Variants in HECW1 observed in about 807,000 individuals in gnomAD.
HECW1 encodes E3 ubiquitin-protein ligase HECW1.
HECW1 carries 61 observed loss-of-function variants against 182.3 expected under a neutral mutation model. The observed-to-expected ratio is 0.33, with a 90% confidence interval of 0.27 to 0.41. The LOEUF (loss-of-function observed/expected upper bound fraction) is 0.41. Ranked by LOEUF, HECW1 falls within the 10% of genes least tolerant of loss-of-function variation. HECW1 has a pLI of 1.00. For missense variants in HECW1, 1,739 were observed against 2,108.9 expected (o/e 0.82, Z 3.44); for synonymous variants, 859 against 832.6 (o/e 1.03, Z -0.55).
intron 29 of HECW1, among the ~76,000 whole-genome samples, chr7:43,555,549 C>T (rs770425110): frequency 1.8e-4 from 28 of 152,316 alleles, no homozygotes; most frequent in Non-Finnish European, 1.3e-4. Context: ...AGGATACGTT[C>T]GAATTATAAA....
chr7:43,143,339 A>T (rs1192430365), intron 2 of HECW1, among the ~76,000 whole-genome samples: 1 of 152,148 alleles, frequency 6.6e-6, no homozygotes, highest in Non-Finnish European at 1.5e-5. Context: ...GCTGAAGTGC[A>T]GGGGCTTGAT....
intron 17 of HECW1, 91 bp from the exon 18 acceptor site, chr7:43,491,984 A>G (rs935284878): frequency 1.1e-6 from 1 of 903,644 alleles, no homozygotes; most frequent in African/African-American, 1.7e-5. Flanking sequence ...TGACTTCAAA[A>G]TCTTTTACCC....
chr7:43,308,219 A>G (rs1362366655), intron 3 of HECW1, among the ~76,000 whole-genome samples: 1 of 82,886 alleles, frequency 1.2e-5, no homozygotes, highest in Non-Finnish European at 2.0e-5. Flanking sequence ...ATATATTATG[A>G]TATATTTTTA....
intron 3 of HECW1, among the ~76,000 whole-genome samples, chr7:43,281,264 A>C (rs1467869578): frequency 6.6e-6 from 1 of 152,050 alleles, no homozygotes; most frequent in Non-Finnish European, 1.5e-5. Context: ...CAGCTCCAAA[A>C]CGGCATCTCC....
At chr7:43,147,245 G>GTT (rs10660691) in intron 2 of HECW1, among the ~76,000 whole-genome samples, 65,971 of 150,882 alleles carry the variant, frequency 0.44, 14,440 homozygotes, top group East Asian at 0.45. Flanking sequence ...ATGTAGTTTT[G>GTT]TTTTTTTTTA....
chr7:43,445,197 G>T lies in HECW1; in HGVS notation c.2025G>T (p.Ala675=), dbSNP rs2077010066. The T allele has an allele frequency of 3.1e-6, 5 of 1,612,856 alleles. No individual in the cohort carries two copies. The highest frequency in any genetic ancestry group is 2.2e-5 in the South Asian group (2 of 91,080). ...ACCACAGTTGCGAGGGCTGTGACGC[G>T]TCCTGCTGCAGCCCCTCGTGCTACA... is the stretch of plus-strand genomic sequence containing the variant. The part of the protein sequence containing the change: ...GGDHSCEGCD[A]SCCSPSCYSS... Residue 675 remains alanine (A), a synonymous_variant, in exon 11 of 30, where the codon GCG becomes GCT. Coordinates refer to ENST00000395891, the MANE Select transcript of HECW1 (RefSeq NM_015052.5).
intron 17 of HECW1, among the ~76,000 whole-genome samples, chr7:43,481,952 G>A (rs1422327022): frequency 1.4e-5 from 2 of 146,852 alleles, no homozygotes; most frequent in African/African-American, 5.1e-5. Flanking sequence ...TCCAGCCTGA[G>A]CGACACAGCG....
intron 11 of HECW1, among the ~76,000 whole-genome samples, chr7:43,446,418 T>C (rs2152880226): frequency 6.6e-6 from 1 of 152,214 alleles, no homozygotes; most frequent in African/African-American, 2.4e-5. Flanking sequence ...GGAAAAAAAA[T>C]TGAAAAGTCA....
chr7:43,165,779 C>T (rs913386449), intron 2 of HECW1, among the ~76,000 whole-genome samples: 6 of 152,102 alleles, frequency 3.9e-5, no homozygotes, highest in African/African-American at 1.4e-4. Flanking sequence ...AGTTGAGATG[C>T]TGTGTCTCCA....
intron 2 of HECW1, among the ~76,000 whole-genome samples, chr7:43,176,194 CTG>C (rs2152671639): frequency 6.6e-6 from 1 of 152,260 alleles, no homozygotes; most frequent in East Asian, 1.9e-4. Flanking sequence ...GAGTCTGTTA[CTG>C]TGTGTAGAGG....
chr7:43,524,348 T>A (rs1208273847), intron 24 of HECW1, among the ~76,000 whole-genome samples: 1 of 152,186 alleles, frequency 6.6e-6, no homozygotes, highest in Non-Finnish European at 1.5e-5. Flanking sequence ...TTAGAAAATA[T>A]GAGAAGACCA....
At chr7:43,551,002 C>T (rs1400925159) in intron 27 of HECW1, among the ~76,000 whole-genome samples, 4 of 152,148 alleles carry the variant, frequency 2.6e-5, no homozygotes, top group African/African-American at 9.7e-5. Context: ...GTTATAGCAT[C>T]ATGTTGTGCC....
chr7:43,431,955 G>C (rs535289866), intron 8 of HECW1, among the ~76,000 whole-genome samples: 23 of 151,264 alleles, frequency 1.5e-4, no homozygotes, highest in Admixed American at 7.9e-4. Flanking sequence ...AGCCTCCCAA[G>C]TAGGTGGGAT....
Position 43,562,924 on chromosome 7 carries a change from ACCATGACTTTTGTTAAAG to A in HECW1, c.*1013_*1030del, listed in dbSNP as rs1000180662. 1.9e-5 allele frequency: 4 copies of A among 214,874 alleles called. No homozygotes were observed. Among genetic ancestry groups the A allele is most frequent in the South Asian group, 1.9e-4 (1 of 5,340 alleles). The allele number at this position is 214,874 out of a possible 1,614,324, so 13.3% of individuals were successfully genotyped here. On this transcript the variant is annotated 3_prime_UTR_variant, in exon 30 of 30. Coordinates refer to ENST00000395891, the MANE Select transcript of HECW1 (RefSeq NM_015052.5). ...AAGGAAAAAAAAATGTGTAGATGAT[ACCATGACTTTTGTTAAAG>A]CCATGACTTTTGTTTGCTTGGCAGA...
chr7:43,113,440 ACGGGCTCGC>A (rs1187746693), intron 1 of HECW1, among the ~76,000 whole-genome samples: 1 of 151,996 alleles, frequency 6.6e-6, no homozygotes, highest in African/African-American at 2.4e-5. Context: ...GAGCCTCCGC[ACGGGCTCGC>A]CGGTGCTCGC....
intron 2 of HECW1, among the ~76,000 whole-genome samples, chr7:43,187,667 C>T (rs4724183): frequency 0.067 from 10,122 of 151,802 alleles, 478 homozygotes; most frequent in East Asian, 0.27. Flanking sequence ...CTATATTAAC[C>T]GTGATAATCT....
At chr7:43,462,073 G>A (rs1035556474) in intron 13 of HECW1, among the ~76,000 whole-genome samples, 1 of 152,206 alleles carries the variant, frequency 6.6e-6, no homozygotes, top group Non-Finnish European at 1.5e-5. Context: ...GCGGGGCACT[G>A]GTCTGCAGAA....
chr7:43,378,509 C>A (rs1172545651), intron 6 of HECW1, among the ~76,000 whole-genome samples: 1 of 152,200 alleles, frequency 6.6e-6, no homozygotes, highest in East Asian at 1.9e-4. Flanking sequence ...ATGGTTAAAA[C>A]CCTTGGCACT....
intron 12 of HECW1, among the ~76,000 whole-genome samples, chr7:43,454,537 T>C (rs1487338643): frequency 3.9e-5 from 6 of 152,234 alleles, no homozygotes; most frequent in Admixed American, 3.9e-4. Context: ...AGATCTATTT[T>C]AATCAAAATC....
Sources: allele counts gnomAD v4.1 joint callset (sites outside exome capture counted in the v4.1 genomes callset), GRCh38; gene constraint gnomAD v4.1.1; transcripts MANE v1.5; gene names NCBI Gene and HGNC (gene_info 2026-07-23, HGNC 2026-07-21).